Variants in EPHB1 observed in about 807,000 individuals in gnomAD.
EPHB1 encodes the protein ephrin type-B receptor 1.
Under a neutral mutation model 94.4 loss-of-function variants are expected in EPHB1, and 30 were observed. The ratio of observed to expected loss-of-function variants is 0.32; its 90% confidence interval spans 0.24 to 0.43. The LOEUF is 0.43. Ranked by LOEUF, EPHB1 falls within the 20% of genes least tolerant of loss-of-function variation. The pLI is 1.00. For synonymous variants in EPHB1, 522 were observed against 489.1 expected (o/e 1.07, Z -0.89); for missense variants, 1,055 against 1,308.3 (o/e 0.81, Z 2.99).
chr3:135,147,389 T>C (rs1396130952), intron 5 of EPHB1, among the ~76,000 whole-genome samples: 1 of 152,250 alleles, frequency 6.6e-6, no homozygotes, highest in African/African-American at 2.4e-5. Context: ...GAAACTTGTG[T>C]ATGAATGTTT....
At chr3:134,994,376 T>C (rs111686583) in intron 3 of EPHB1, among the ~76,000 whole-genome samples, 2,446 of 152,342 alleles carry the variant, frequency 0.016, 21 homozygotes, top group Non-Finnish European at 0.028. Context: ...AGCAGGCATC[T>C]GAAGCTCTTG....
chr3:134,981,720 G>A (rs1185803392), intron 3 of EPHB1, among the ~76,000 whole-genome samples: 3 of 152,120 alleles, frequency 2.0e-5, no homozygotes, highest in African/African-American at 7.2e-5. Context: ...TACCCACCCT[G>A]TGCCCAGGTA....
chr3:135,165,087 T>C (rs1941614723), intron 7 of EPHB1, among the ~76,000 whole-genome samples: 1 of 152,216 alleles, frequency 6.6e-6, no homozygotes, highest in African/African-American at 2.4e-5. Flanking sequence ...TCCTGAACAT[T>C]AGGTAATAGT....
At chr3:135,191,006 C>T (rs1033190366) in intron 10 of EPHB1, among the ~76,000 whole-genome samples, 1 of 151,874 alleles carries the variant, frequency 6.6e-6, no homozygotes, top group African/African-American at 2.4e-5. Flanking sequence ...ACTCAGGAGG[C>T]TGAGGCAAGA....
intron 3 of EPHB1, among the ~76,000 whole-genome samples, chr3:135,072,808 ATTGT>A (rs1237305126): frequency 6.6e-6 from 1 of 152,010 alleles, no homozygotes; most frequent in African/African-American, 2.4e-5. Flanking sequence ...TTGTTTATTT[ATTGT>A]TTGTCTCATC....
intron 3 of EPHB1, among the ~76,000 whole-genome samples, chr3:134,993,883 G>T (rs1401922712): frequency 6.6e-6 from 1 of 152,212 alleles, no homozygotes; most frequent in East Asian, 1.9e-4. Context: ...GGTTTCCCCA[G>T]TTGTGATGTA....
At chr3:135,068,931 G>A (rs1226342301) in intron 3 of EPHB1, among the ~76,000 whole-genome samples, 6 of 151,056 alleles carry the variant, frequency 4.0e-5, no homozygotes, top group Admixed American at 3.9e-4. Context: ...AGGTAATGGG[G>A]CTTCTTAGAT....
intron 1 of EPHB1, among the ~76,000 whole-genome samples, chr3:134,854,876 T>A (rs570919690): frequency 6.6e-6 from 1 of 151,954 alleles, no homozygotes. Context: ...CAAATATAGA[T>A]TCTCTATAAA....
chr3:135,004,691 C>G (rs932646420), intron 3 of EPHB1, among the ~76,000 whole-genome samples: 14 of 151,458 alleles, frequency 9.2e-5, no homozygotes, highest in African/African-American at 3.2e-4. Flanking sequence ...CTTCCCTTCT[C>G]GCTTCATTTC....
intron 3 of EPHB1, among the ~76,000 whole-genome samples, chr3:135,048,237 T>TTTC (rs397991143): frequency 7.0e-6 from 1 of 142,208 alleles, no homozygotes; most frequent in African/African-American, 2.8e-5. Flanking sequence ...TTTTTTTTTT[T>TTTC]CTTTTTCTTT....
chr3:135,046,030 G>T (rs930255850), intron 3 of EPHB1, among the ~76,000 whole-genome samples: 4 of 152,146 alleles, frequency 2.6e-5, no homozygotes, highest in Admixed American at 1.3e-4. Flanking sequence ...ATTACATCAG[G>T]CTCAGTCTGG....
intron 2 of EPHB1, among the ~76,000 whole-genome samples, chr3:134,944,720 T>C (rs2039183289): frequency 6.6e-6 from 1 of 152,116 alleles, no homozygotes; most frequent in Non-Finnish European, 1.5e-5. Context: ...CTGGAGGTGG[T>C]GGTGGCTGCA....
intron 2 of EPHB1, among the ~76,000 whole-genome samples, chr3:134,947,644 T>A (rs1438746206): frequency 6.6e-6 from 1 of 152,204 alleles, no homozygotes; most frequent in Non-Finnish European, 1.5e-5. Flanking sequence ...TGATTTCTCA[T>A]TTTACAGATG....
chr3:134,936,329 T>C (rs1182048067), intron 2 of EPHB1, among the ~76,000 whole-genome samples: 1 of 151,994 alleles, frequency 6.6e-6, no homozygotes, highest in Non-Finnish European at 1.5e-5. Flanking sequence ...GAGCAGCAAG[T>C]CAAAGAGGAG....
intron 3 of EPHB1, among the ~76,000 whole-genome samples, chr3:135,058,751 C>T (rs1211531032): frequency 7.2e-5 from 11 of 152,240 alleles, no homozygotes; most frequent in Non-Finnish European, 1.6e-4. Flanking sequence ...CAGAGCTCTT[C>T]TGCCTCCGGC....
intron 4 of EPHB1, among the ~76,000 whole-genome samples, chr3:135,109,884 T>G (rs1456258743): frequency 6.6e-6 from 1 of 152,172 alleles, no homozygotes; most frequent in Non-Finnish European, 1.5e-5. Context: ...CTCCTCACAC[T>G]GAGACACACT....
chr3:135,050,195 C>A (rs1937128593), intron 3 of EPHB1, among the ~76,000 whole-genome samples: 1 of 152,126 alleles, frequency 6.6e-6, no homozygotes, highest in Non-Finnish European at 1.5e-5. Flanking sequence ...TTGAGGGGAT[C>A]TTCTAGGATT....
intron 3 of EPHB1, among the ~76,000 whole-genome samples, chr3:135,062,593 G>A (rs1937529227): frequency 1.3e-5 from 2 of 152,032 alleles, no homozygotes; most frequent in South Asian, 4.1e-4. Context: ...TTAGTCCTTT[G>A]TCAGATGTAT....
chr3:135,037,228 A>G (rs1480380096), intron 3 of EPHB1, among the ~76,000 whole-genome samples: 1 of 152,212 alleles, frequency 6.6e-6, no homozygotes, highest in Non-Finnish European at 1.5e-5. Context: ...GCACTCTGAA[A>G]ATGAAAAGTC....
Sources: gnomAD v4.1 joint callset for allele counts (sites outside exome capture counted in the v4.1 genomes callset) on GRCh38, gnomAD v4.1.1 for gene constraint, MANE v1.5 for transcripts, NCBI Gene and HGNC (gene_info 2026-07-23, HGNC 2026-07-21) for gene names.